ADGRF3: variants seen among roughly 807,000 people sequenced by gnomAD.
The protein encoded by ADGRF3 is adhesion G protein-coupled receptor F3.
ADGRF3 carries 85 observed loss-of-function variants against 93.2 expected under a neutral mutation model. That is an observed-to-expected ratio of 0.91 (90% CI 0.77 to 1.09). The LOEUF (loss-of-function observed/expected upper bound fraction) is 1.09, where lower values mean the gene tolerates loss of function less well. Among genes scored for constraint, ADGRF3 ranks in the 50% least tolerant of loss-of-function variants. The pLI, the probability that ADGRF3 is intolerant of heterozygous loss-of-function variation, is 0.00. For synonymous variants in ADGRF3, 534 were observed against 532.5 expected (o/e 1.00, Z -0.04); for missense variants, 1,125 against 1,246.2 (o/e 0.90, Z 1.46).
chr2:26,341,990 G>A (rs1183695702), intron 1 of ADGRF3, among the ~76,000 whole-genome samples: 1 of 151,624 alleles, frequency 6.6e-6, no homozygotes, highest in Non-Finnish European at 1.5e-5. Flanking sequence ...GGAGAATGGC[G>A]TGAACCCGGG....
chr2:26,341,962 AC>A (rs1676422601), intron 1 of ADGRF3, among the ~76,000 whole-genome samples: 1 of 151,770 alleles, frequency 6.6e-6, no homozygotes, highest in South Asian at 2.1e-4. Flanking sequence ...AGTCCCAGCT[AC>A]TTGGGAGGCT....
At chr2:26,325,509 A>C (rs1422784437) in intron 1 of ADGRF3, among the ~76,000 whole-genome samples, 13 of 152,216 alleles carry the variant, frequency 8.5e-5, no homozygotes, top group Admixed American at 8.5e-4. Flanking sequence ...ACTGTTCAGA[A>C]AACCCTGCTT....
chr2:26,330,649 GA>G (rs1242676376), intron 1 of ADGRF3, among the ~76,000 whole-genome samples: 1 of 151,482 alleles, frequency 6.6e-6, no homozygotes, highest in African/African-American at 2.4e-5. Context: ...AGAGAAAAAA[GA>G]AAAAAAAGGT....
intron 1 of ADGRF3, among the ~76,000 whole-genome samples, chr2:26,330,022 C>A (rs1442515832): frequency 1.3e-5 from 2 of 152,178 alleles, no homozygotes; most frequent in Non-Finnish European, 2.9e-5. Flanking sequence ...TGTTATGAGA[C>A]TCTGGATCTT....
chr2:26,328,163 G>A (rs1288951034), intron 1 of ADGRF3, among the ~76,000 whole-genome samples: 1 of 152,050 alleles, frequency 6.6e-6, no homozygotes, highest in Admixed American at 6.6e-5. Context: ...TTTCTTTCTG[G>A]CTTTCATGGT....
chr2:26,341,380 GAAAC>G (rs10548295), intron 1 of ADGRF3, among the ~76,000 whole-genome samples: 59,494 of 151,506 alleles, frequency 0.39, 13,059 homozygotes, highest in Non-Finnish European at 0.5. Context: ...TCCATCTTGA[GAAAC>G]AAACAAACAC....
intron 1 of ADGRF3, among the ~76,000 whole-genome samples, chr2:26,343,180 A>T (rs1047428859): frequency 2.6e-5 from 4 of 152,084 alleles, no homozygotes; most frequent in African/African-American, 9.7e-5. Flanking sequence ...GCTCCACTAT[A>T]ATCTTAAGGG....
At chr2:26,321,102 A>C (rs962527107) in intron 1 of ADGRF3, among the ~76,000 whole-genome samples, 8 of 152,240 alleles carry the variant, frequency 5.3e-5, no homozygotes, top group African/African-American at 1.7e-4. Context: ...CACACACACA[A>C]AGTACGAAGT....
intron 4 of ADGRF3, among the ~76,000 whole-genome samples, 198 bp downstream of exon 4, chr2:26,316,077 G>A (rs1318891806): frequency 6.6e-6 from 1 of 152,148 alleles, no homozygotes; most frequent in African/African-American, 2.4e-5. Flanking sequence ...TGTCTCTGGG[G>A]CCTCTCTCAT....
In ADGRF3 at chr2:26,309,590, G is replaced by C; in HGVS notation, c.2938-9C>G. Reference sequence around the variant, plus strand: ...CAGCCTTCATTTGTGGCCTAGGAAGGGGTGGGAAGGCCCAATTGCAGGGCA... The same window carrying C: ...CAGCCTTCATTTGTGGCCTAGGAAGCGGTGGGAAGGCCCAATTGCAGGGCA... On this transcript the variant is annotated splice_polypyrimidine_tract_variant and intron_variant, in intron 12 of 13. Transcript: ENST00000651242. The C allele has an allele frequency of 6.2e-7, 1 of 1,611,808 alleles. No homozygotes were observed. The highest frequency in any genetic ancestry group is 8.5e-7 in the Non-Finnish European group (1 of 1,179,302).
chr2:26,346,390 T>C lies in ADGRF3; in HGVS notation c.-156A>G. ...TCCGTGTCACCTTGTGCCGCGTGGC[T>C]CCGGGCGGGCTGGCGGGCGTTCCTC... On this transcript the variant is annotated 5_prime_UTR_variant, in exon 1 of 14. Coordinates refer to ENST00000651242, the MANE Select transcript of ADGRF3 (RefSeq NM_001321971.2). 1 of 1,367,218 alleles carries C rather than the reference T, an allele frequency of 7.3e-7. No individual in the cohort carries two copies. The highest frequency in any genetic ancestry group is 9.5e-7 in the Non-Finnish European group (1 of 1,048,212). The allele number at this position is 1,367,218 out of a possible 1,614,324, so 84.7% of individuals were successfully genotyped here. A position where few individuals can be genotyped will look rare whatever the true frequency, so the allele number is the denominator to read the frequency against.
At chr2:26,313,331 G>T (rs1674356249) in intron 8 of ADGRF3, 46 bp downstream of exon 8, 4 of 1,501,214 alleles carry the variant, frequency 2.7e-6, no homozygotes, top group Non-Finnish European at 3.6e-6. Context: ...GAGAGGCTAG[G>T]GTGGGCCGTG....
chr2:26,323,810 G>A (rs776368628), intron 1 of ADGRF3, among the ~76,000 whole-genome samples: 101 of 151,922 alleles, frequency 6.6e-4, no homozygotes, highest in Non-Finnish European at 1.3e-3. Flanking sequence ...TGTATTTTTA[G>A]TAGAGACGGG....
intron 8 of ADGRF3, 36 bp downstream of exon 8, chr2:26,313,341 G>A (rs1674357505): frequency 1.3e-6 from 2 of 1,523,232 alleles, no homozygotes; most frequent in Non-Finnish European, 1.8e-6. Flanking sequence ...GGTGGGCCGT[G>A]GAGGGGGCAC....
chr2:26,324,836 C>A (rs1370254841), intron 1 of ADGRF3, among the ~76,000 whole-genome samples: 1 of 152,214 alleles, frequency 6.6e-6, no homozygotes, highest in African/African-American at 2.4e-5. Context: ...TGGGTATAGA[C>A]CCAGTAATGG....
intron 1 of ADGRF3, among the ~76,000 whole-genome samples, chr2:26,343,071 G>A (rs896760150): frequency 7.9e-5 from 12 of 152,070 alleles, no homozygotes; most frequent in Non-Finnish European, 2.9e-5. Flanking sequence ...CTGGCAGCGC[G>A]GTAGGTTTGT....
At position 26,346,492 on chromosome 2, in the gene ADGRF3, C is replaced by A. The variant is rs577221213; in HGVS notation, c.-258G>T. On this transcript the variant is annotated 5_prime_UTR_variant, in exon 1 of 14. Transcript: ENST00000651242. The stretch of plus-strand genomic sequence containing the variant: ...CTAAGCCCGCCGCCCGTAGTCGGCA[C>A]CCCCCGGGAGATTTCCTTTTCCTTA... 1.3e-5 allele frequency: 7 copies of A among 536,102 alleles called. No individual in the cohort carries two copies. The highest frequency in any genetic ancestry group is 2.2e-5 in the Non-Finnish European group (7 of 316,910). 33.2% of individuals were successfully genotyped at this position (536,102 alleles called of 1,614,324 possible).
rs536287374 is a variant in ADGRF3, at chr2:26,316,427, C to T, written c.347G>A (p.Gly116Glu). 6.4e-7 allele frequency: 1 copy of T among 1,551,662 alleles called. No individual in the cohort carries two copies. The highest frequency in any genetic ancestry group is 1.4e-5 in the African/African-American group (1 of 73,156). The change falls in exon 4 of 14, where the codon GGG (glycine) becomes GAG (glutamate). Residue 116 changes from glycine (G) to glutamate (E), a missense_variant. By Grantham distance (98) the Gly-to-Glu change is moderately conservative. Coordinates refer to ENST00000651242, the MANE Select transcript of ADGRF3 (RefSeq NM_001321971.2). ...LTTECNVNHK[G>E]NFYCACLSGY... ...AGAGAGGCAAGCACAATAGAAATTCCCCTTGTGGTTGACATTACACTCTGA... is the reference window on the plus strand; with the variant it reads ...AGAGAGGCAAGCACAATAGAAATTCTCCTTGTGGTTGACATTACACTCTGA...
rs1281320654 is a variant in ADGRF3, at chr2:26,311,311, T to C, written c.2213A>G (p.Tyr738Cys). 3 of 1,613,502 alleles carry C rather than the reference T, an allele frequency of 1.9e-6. No individual in the cohort carries two copies. The highest frequency in any genetic ancestry group is 2.7e-5 in the African/African-American group (2 of 74,786). The change falls in exon 10 of 14, where the codon TAT (tyrosine) becomes TGT (cysteine). Residue 738 changes from tyrosine to cysteine, a missense_variant. Physicochemically the swap from Tyr to Cys is radical, Grantham distance 194 (BLOSUM62 -2). Coordinates refer to ENST00000651242, the MANE Select transcript of ADGRF3 (RefSeq NM_001321971.2). ...WRVVVRNKIS[Y>C]FRHAALLNMV... is the part of the protein sequence containing the mutation. ...GTTGAGCAGGGCGGCGTGGCGGAAA[T>C]AGGAGATCTTGTTCCGCACCACGAC... is the stretch of plus-strand genomic sequence containing the variant.
Sources: allele counts gnomAD v4.1 joint callset (sites outside exome capture counted in the v4.1 genomes callset), GRCh38; gene constraint gnomAD v4.1.1; transcripts MANE v1.5; gene names NCBI Gene and HGNC (gene_info 2026-07-23, HGNC 2026-07-21).